Variants in PCDHGA2 observed in about 807,000 individuals in gnomAD.
The protein encoded by PCDHGA2 is protocadherin gamma subfamily A, 2.
PCDHGA2 carries 40 observed loss-of-function variants against 59.2 expected under a neutral mutation model. The observed-to-expected ratio is 0.68, with a 90% CI of 0.52 to 0.88. The LOEUF (loss-of-function observed/expected upper bound fraction) is 0.88, where lower values mean the gene tolerates loss of function less well. Among genes scored for constraint, PCDHGA2 ranks in the 40% least tolerant of loss-of-function variants. The pLI is 0.00. For synonymous variants in PCDHGA2, 560 were observed against 526.0 expected (o/e 1.06, Z -0.89); for missense variants, 1,226 against 1,204.0 (o/e 1.02, Z -0.27).
At chr5:141,366,516 G>A (rs1198130864) in intron 1 of PCDHGA2, 2 of 1,614,274 alleles carry the variant, frequency 1.2e-6, no homozygotes, top group East Asian at 2.2e-5. Flanking sequence ...CAGGCTGAAG[G>A]CAGCAGGTTG....
intron 1 of PCDHGA2, among the ~76,000 whole-genome samples, chr5:141,353,876 T>C (rs1308614593): frequency 1.3e-5 from 2 of 152,224 alleles, no homozygotes; most frequent in African/African-American, 4.8e-5. Context: ...TCTCTCAAAG[T>C]CTGAGGGTTT....
intron 1 of PCDHGA2, chr5:141,371,027 C>T (rs1393819856): frequency 6.2e-7 from 1 of 1,613,874 alleles, no homozygotes; most frequent in African/African-American, 1.3e-5. Context: ...ACCACCTGGT[C>T]CTCACAGCTG....
chr5:141,377,672 C>G (rs529772336), intron 1 of PCDHGA2: 1 of 151,784 alleles, frequency 6.6e-6, no homozygotes, highest in East Asian at 1.9e-4. Context: ...GACGTTCATA[C>G]AAGAGATCTT....
At chr5:141,423,169 C>G (rs747206648) in intron 1 of PCDHGA2, 2 of 1,613,460 alleles carry the variant, frequency 1.2e-6, no homozygotes, top group Admixed American at 3.3e-5. Context: ...GGTGGCCGTC[C>G]AGGACCACGG....
intron 1 of PCDHGA2, chr5:141,388,909 C>T: frequency 6.2e-7 from 1 of 1,613,902 alleles, no homozygotes. Flanking sequence ...AATGACAACG[C>T]CCCAGAAGTG....
intron 1 of PCDHGA2, among the ~76,000 whole-genome samples, chr5:141,437,236 C>A (rs2154557405): frequency 6.6e-6 from 1 of 152,278 alleles, no homozygotes; most frequent in South Asian, 2.1e-4. Context: ...AAAATTATGT[C>A]AAGGACTTTC....
At position 141,408,036 on chromosome 5, in the gene PCDHGA2, A is replaced by G. The variant is rs941133513; in HGVS notation, c.2424+66641A>G. On this transcript the variant is annotated intron_variant, in intron 1 of 3. Coordinates refer to ENST00000394576, the MANE Select transcript of PCDHGA2 (RefSeq NM_018915.4). ...AGCCAACAACAGAAAGAAGAAAACC[A>G]GCTCCCACACAGAGCCTCCCGGCTG... 7.9e-6 allele frequency: 9 copies of G among 1,132,718 alleles called. No individual in the cohort carries two copies. In the African/African-American group the frequency reaches 1.4e-4, roughly 18 times the overall value. The allele number at this position is 1,132,718 out of a possible 1,614,324, so 70.2% of individuals were successfully genotyped here. A position where few individuals can be genotyped will look rare whatever the true frequency, so the allele number is the denominator to read the frequency against.
In PCDHGA2 at chr5:141,485,124, C is replaced by A; in HGVS notation, c.2425-9683C>A. ...GCTGCTGTGGCTGTTTGGGGCGGGT[C>A]GGCTTCATCCGCGTCTCAGGAGCAA... is the stretch of plus-strand genomic sequence containing the variant. On this transcript the variant is annotated intron_variant, in intron 1 of 3. Transcript: ENST00000394576. The surrounding 1 kb of genome is among the most constrained non-coding windows in gnomAD (Gnocchi z 5.7). 2 of 1,390,136 alleles carry A rather than the reference C, an allele frequency of 1.4e-6. No homozygotes were observed. The highest frequency in any genetic ancestry group is 2.5e-5 in the South Asian group (2 of 80,180). 86.1% of individuals were successfully genotyped at this position (1,390,136 alleles called of 1,614,324 possible). A position where few individuals can be genotyped will look rare whatever the true frequency, so the allele number is the denominator to read the frequency against.
chr5:141,371,319 T>C (rs776468783), intron 1 of PCDHGA2: 27 of 1,613,954 alleles, frequency 1.7e-5, no homozygotes, highest in Non-Finnish European at 2.3e-5. Context: ...AGAACTGGAC[T>C]TTGAAGAGAG....
chr5:141,472,979 T>TAAAA (rs2099307936), intron 1 of PCDHGA2, among the ~76,000 whole-genome samples: 1 of 21,094 alleles, frequency 4.7e-5, no homozygotes, highest in Non-Finnish European at 9.8e-5. Context: ...AGAGTGAAAC[T>TAAAA]CAAAAAAAAA....
chr5:141,491,966 G>A lies in PCDHGA2; in HGVS notation c.2425-2841G>A. 1.1e-6 allele frequency: 1 copy of A among 943,066 alleles called. No individual in the cohort carries two copies. Among genetic ancestry groups the A allele is most frequent in the Non-Finnish European group, 1.5e-6 (1 of 669,210 alleles). The allele number at this position is 943,066 out of a possible 1,614,324, so 58.4% of individuals were successfully genotyped here. On this transcript the variant is annotated intron_variant, in intron 1 of 3. Coordinates refer to ENST00000394576, the MANE Select transcript of PCDHGA2 (RefSeq NM_018915.4). The surrounding 1 kb of genome is among the most constrained non-coding windows in gnomAD (Gnocchi z 6.9). ...CCACCCCTACACTCAAAAAAGGCCG[G>A]GGCCTCCTTCGAGCTTCCGGTGAAT...
chr5:141,466,581 T>C (rs1426600962), intron 1 of PCDHGA2, among the ~76,000 whole-genome samples: 2 of 152,198 alleles, frequency 1.3e-5, no homozygotes, highest in Non-Finnish European at 2.9e-5. Flanking sequence ...GTCTCATCCC[T>C]TCTTAAAACA....
intron 1 of PCDHGA2, chr5:141,398,973 C>T: frequency 6.2e-7 from 1 of 1,613,952 alleles, no homozygotes; most frequent in Non-Finnish European, 8.5e-7. Context: ...ATTCCTTCTA[C>T]AGAACCGGGC....
rs761731200 is a variant in PCDHGA2, at chr5:141,477,252, T to C, written c.2425-17555T>C. The C allele has an allele frequency of 1.2e-6, 2 of 1,614,182 alleles. No homozygotes were observed. The highest frequency in any genetic ancestry group is 8.5e-7 in the Non-Finnish European group (1 of 1,180,034). ...ATCGCTTTGCTCAGTGTGACTGACCTGGATGCTGGCGAGAACGGGCTGGTG... is the reference window on the plus strand; with the variant it reads ...ATCGCTTTGCTCAGTGTGACTGACCCGGATGCTGGCGAGAACGGGCTGGTG... On this transcript the variant is annotated intron_variant, in intron 1 of 3. Transcript: ENST00000394576. The surrounding 1 kb of genome is among the most constrained non-coding windows in gnomAD (Gnocchi z 4.9).
chr5:141,470,622 A>G (rs1323376824), intron 1 of PCDHGA2, among the ~76,000 whole-genome samples: 6 of 152,336 alleles, frequency 3.9e-5, no homozygotes, highest in Admixed American at 6.5e-5. Flanking sequence ...CTTCATGCTT[A>G]GATAGGCCCC....
At position 141,390,023 on chromosome 5, in the gene PCDHGA2, G is replaced by C. The variant is rs2092020127; in HGVS notation, c.2424+48628G>C. ...TGATTCTGGCCATTGCCTTGCGCCT[G>C]CGACGCTCCTCCAGCCCCGCCTCCT... On this transcript the variant is annotated intron_variant, in intron 1 of 3. Transcript: ENST00000394576. The C allele has an allele frequency of 1.9e-6, 3 of 1,613,908 alleles. No individual in the cohort carries two copies. In the African/African-American group the frequency reaches 4.0e-5, roughly 22 times the overall value.
intron 1 of PCDHGA2, chr5:141,377,439 GA>G (rs1279056265): frequency 3.3e-5 from 5 of 151,486 alleles, no homozygotes; most frequent in Non-Finnish European, 2.9e-5. Flanking sequence ...CTACCAAAAA[GA>G]AAAAAAAGTA....
intron 1 of PCDHGA2, chr5:141,400,715 T>C: frequency 1.5e-6 from 1 of 682,576 alleles, no homozygotes; most frequent in Non-Finnish European, 2.4e-6. Context: ...AGTAGCCTTA[T>C]AGATTTACAA....
intron 1 of PCDHGA2, chr5:141,414,399 GGTGATAC>G (rs1297009673): frequency 6.2e-7 from 1 of 1,613,846 alleles, no homozygotes; most frequent in South Asian, 1.1e-5. Flanking sequence ...ATTACAGATT[GGTGATAC>G]ACAGAGCCCT....
Sources: gnomAD v4.1 joint callset for allele counts (sites outside exome capture counted in the v4.1 genomes callset) on GRCh38, gnomAD v4.1.1 for gene constraint, Gnocchi (gnomAD v3.1) non-coding constraint, MANE v1.5 for transcripts, NCBI Gene and HGNC (gene_info 2026-07-23, HGNC 2026-07-21) for gene names.